FREM3: variants seen among roughly 807,000 people sequenced by gnomAD.
FREM3 encodes FRAS1 related extracellular matrix 3.
A neutral mutation model predicts 129.1 loss-of-function variants in FREM3; 105 were observed. That is an observed-to-expected ratio of 0.81 (90% CI 0.69 to 0.96). FREM3 has a LOEUF of 0.96. Ranked by LOEUF, FREM3 falls within the 40% of genes least tolerant of loss-of-function variation. FREM3 has a pLI of 0.00. For synonymous variants in FREM3, 1,014 were observed against 1,044.9 expected (o/e 0.97, Z 0.57); for missense variants, 2,593 against 2,666.3 (o/e 0.97, Z 0.61).
Position 143,696,354 on chromosome 4 carries a change from C to G in FREM3, c.4322G>C (p.Arg1441Thr). 1 of 1,537,386 alleles carries G rather than the reference C, an allele frequency of 6.5e-7. No individual in the cohort carries two copies. The highest frequency in any genetic ancestry group is 8.7e-7 in the Non-Finnish European group (1 of 1,146,940). Residue 1441 changes from arginine to threonine, a missense_variant, in exon 1 of 8, where the codon AGA becomes ACA. Physicochemically the swap from Arg to Thr is moderately conservative, Grantham distance 71. Coordinates refer to ENST00000329798, the MANE Select transcript of FREM3 (RefSeq NM_001168235.2). ...AAGCAGATTGTTGGTAAGGGTCACTCTGGCACCTTCTATCAAGGTGATCCT... is the reference window on the plus strand; with the variant it reads ...AAGCAGATTGTTGGTAAGGGTCACTGTGGCACCTTCTATCAAGGTGATCCT... ...SKRITLIEGA[R>T]VTLTNNLLTN...
intron 2 of FREM3, among the ~76,000 whole-genome samples, chr4:143,663,523 C>T (rs900632735): frequency 3.9e-5 from 6 of 152,058 alleles, no homozygotes; most frequent in African/African-American, 1.2e-4. Flanking sequence ...AACATTTTTT[C>T]CTTCATTTCA....
In FREM3 at chr4:143,693,196, ATGTCAGCT is replaced by A; in HGVS notation, c.5186-2_5191del. ...GACATAGGATATCTTCATCTCATCAATGTCAGCTAAAAAAAAAGCAACCATCACACAAA... is the reference window on the plus strand; with the variant it reads ...GACATAGGATATCTTCATCTCATCAAAAAAAAAAAGCAACCATCACACAAA... On this transcript the variant is annotated splice_acceptor_variant and coding_sequence_variant, in exon 2 of 8. Transcript: ENST00000329798. LOFTEE classifies it high-confidence loss of function. 1 of 1,488,644 alleles carries A rather than the reference ATGTCAGCT, an allele frequency of 6.7e-7. No homozygotes were observed. Among genetic ancestry groups the A allele is most frequent in the Non-Finnish European group, 8.9e-7 (1 of 1,118,648 alleles). 92.2% of individuals were successfully genotyped at this position (1,488,644 alleles called of 1,614,324 possible).
Position 143,700,212 on chromosome 4 carries a change from G to C in FREM3, c.464C>G (p.Pro155Arg). 6.5e-7 allele frequency: 1 copy of C among 1,536,998 alleles called. No individual in the cohort carries two copies. Among genetic ancestry groups the C allele is most frequent in the Non-Finnish European group, 8.7e-7 (1 of 1,146,892 alleles). ...GACCAAGTCCACCGCCAGCGTGAAG[G>C]GCAGCACCAGAGTGTGAGTCGGGGC... ...YDAPTHTLVL[P>R]FTLAVDLVFS... is the part of the protein sequence containing the mutation. The change falls in exon 1 of 8, where the codon CCC (proline) becomes CGC (arginine). Residue 155 changes from proline to arginine, a missense_variant. Physicochemically the swap from Pro to Arg is moderately radical, Grantham distance 103. Transcript: ENST00000329798.
chr4:143,682,450 G>C (rs1740271090), intron 2 of FREM3, among the ~76,000 whole-genome samples: 1 of 152,210 alleles, frequency 6.6e-6, no homozygotes, highest in African/African-American at 2.4e-5. Context: ...TGTTACATGA[G>C]GTGAGCATGA....
intron 2 of FREM3, among the ~76,000 whole-genome samples, chr4:143,639,994 A>C (rs1739296324): frequency 6.6e-6 from 1 of 151,994 alleles, no homozygotes. Flanking sequence ...TCTCTTACTG[A>C]CTTTGGAGCA....
chr4:143,593,274 G>A (rs1380850250), intron 6 of FREM3, among the ~76,000 whole-genome samples: 3 of 152,164 alleles, frequency 2.0e-5, no homozygotes, highest in Non-Finnish European at 4.4e-5. Flanking sequence ...TCCGTTGCTG[G>A]TGAGGAGCTG....
intron 1 of FREM3, 76 bp from the exon 2 acceptor site, chr4:143,693,278 T>A: frequency 1.7e-6 from 1 of 605,284 alleles, no homozygotes; most frequent in Non-Finnish European, 2.8e-6. Context: ...TTCAAAGTTT[T>A]AATTAGGCAT....
At chr4:143,646,759 T>C (rs913408371) in intron 2 of FREM3, among the ~76,000 whole-genome samples, 1 of 152,198 alleles carries the variant, frequency 6.6e-6, no homozygotes, top group African/African-American at 2.4e-5. Context: ...GAGAACAGAC[T>C]AATGCAGTAA....
Position 143,585,948 on chromosome 4 carries a change from C to T in FREM3, c.6074G>A (p.Ser2025Asn), listed in dbSNP as rs1738236151. 3.3e-6 allele frequency: 5 copies of T among 1,537,648 alleles called. No individual in the cohort carries two copies. The highest frequency in any genetic ancestry group is 4.4e-6 in the Non-Finnish European group (5 of 1,147,002). Residue 2025 changes from serine (S) to asparagine (N), a missense_variant, in exon 7 of 8, where the codon AGT becomes AAT. Physicochemically the swap from Ser to Asn is conservative, Grantham distance 46. Coordinates refer to ENST00000329798, the MANE Select transcript of FREM3 (RefSeq NM_001168235.2). This position sits in a 1 kb window ranked among gnomAD's most constrained non-coding sequence, Gnocchi z 4.2. Reference protein sequence around the residue: ...FGDAEYHVNESARYVEVCVWR... With the variant: ...FGDAEYHVNENARYVEVCVWR... ...AACACAAACCTCCACGTAGCGAGCA[C>T]TTTCATTGACGTGATATTCAGCATC...
Position 143,600,460 on chromosome 4 carries a change from C to A in FREM3, c.6028+10819G>T, listed in dbSNP as rs138415219. On this transcript the variant is annotated intron_variant, in intron 6 of 7. Coordinates refer to ENST00000329798, the MANE Select transcript of FREM3 (RefSeq NM_001168235.2). ...ATGTAACCAAACACCACCTCTTCCC[C>A]AAAACCCTATTGAAATAAAAAAAAG... 8.6e-3 allele frequency among the ~76,000 whole-genome samples: 1,309 copies of A among 152,118 alleles called. 15 individuals are homozygous for A. Among genetic ancestry groups the A allele is most frequent in the African/African-American group, 0.03 (1,234 of 41,506 alleles).
At chr4:143,620,542 G>A (rs943216539) in intron 5 of FREM3, among the ~76,000 whole-genome samples, 6 of 152,154 alleles carry the variant, frequency 3.9e-5, no homozygotes, top group South Asian at 4.1e-4. Flanking sequence ...ACTTGTTTTC[G>A]GTGCGAAGAT....
chr4:143,610,007 T>G (rs1738728028), intron 6 of FREM3, among the ~76,000 whole-genome samples: 1 of 152,126 alleles, frequency 6.6e-6, no homozygotes. Flanking sequence ...TATTGAAAAT[T>G]TACTCAAATT....
intron 4 of FREM3, among the ~76,000 whole-genome samples, chr4:143,622,536 A>G (rs146906461): frequency 1.8e-3 from 276 of 151,686 alleles, no homozygotes; most frequent in Non-Finnish European, 2.8e-3. Flanking sequence ...TTCAGCAGAT[A>G]TAAGTATCAA....
Position 143,698,587 on chromosome 4 carries a change from G to A in FREM3, c.2089C>T (p.Pro697Ser). ...AGCTGTGGACTCAGTATATCCACTG[G>A]TTGGACCTTGATGGTGAAAATGTGC... Reference protein sequence around the residue: ...KQHIFTIKVQPVDILSPQLYP... With the variant: ...KQHIFTIKVQSVDILSPQLYP... Residue 697 changes from proline (P) to serine (S), a missense_variant, in exon 1 of 8, where the codon CCA becomes TCA. By Grantham distance (74) the Pro-to-Ser change is moderately conservative (BLOSUM62 -1). Transcript: ENST00000329798. 6.5e-7 allele frequency: 1 copy of A among 1,537,726 alleles called. No homozygotes were observed. Among genetic ancestry groups the A allele is most frequent in the Non-Finnish European group, 8.7e-7 (1 of 1,147,024 alleles).
At chr4:143,662,774 G>A (rs1023602198) in intron 2 of FREM3, among the ~76,000 whole-genome samples, 1 of 151,894 alleles carries the variant, frequency 6.6e-6, no homozygotes, top group Non-Finnish European at 1.5e-5. Context: ...CTCCTGTATT[G>A]GGTGTATATA....
chr4:143,593,980 C>T (rs1026056060), intron 6 of FREM3, among the ~76,000 whole-genome samples: 1 of 152,192 alleles, frequency 6.6e-6, no homozygotes, highest in Non-Finnish European at 1.5e-5. Context: ...TGTCAGACTG[C>T]TGTGCTAGCA....
At chr4:143,637,907 G>A (rs541020185) in intron 2 of FREM3, among the ~76,000 whole-genome samples, 1 of 152,092 alleles carries the variant, frequency 6.6e-6, no homozygotes, top group Non-Finnish European at 1.5e-5. Flanking sequence ...TCACATGGTT[G>A]GTGGGTGGGG....
chr4:143,585,959 G>C lies in FREM3; in HGVS notation c.6063C>G (p.His2021Gln), dbSNP rs936018952. Residue 2021 changes from histidine (H) to glutamine (Q), a missense_variant, in exon 7 of 8, where the codon CAC (histidine) becomes CAG (glutamine). Physicochemically the swap from His to Gln is conservative, Grantham distance 24. Coordinates refer to ENST00000329798, the MANE Select transcript of FREM3 (RefSeq NM_001168235.2). This position sits in a 1 kb window ranked among gnomAD's most constrained non-coding sequence, Gnocchi z 4.2. The part of the protein sequence containing the change: ...PVLHFGDAEY[H>Q]VNESARYVEV... ...CCACGTAGCGAGCACTTTCATTGAC[G>C]TGATATTCAGCATCCCCAAAGTGCA... is the stretch of plus-strand genomic sequence containing the variant. 3 of 1,537,650 alleles carry C rather than the reference G, an allele frequency of 2.0e-6. No homozygotes were observed. The highest frequency in any genetic ancestry group is 4.9e-5 in the East Asian group (2 of 40,922).
chr4:143,664,666 G>A (rs920887854), intron 2 of FREM3, among the ~76,000 whole-genome samples: 3 of 152,162 alleles, frequency 2.0e-5, no homozygotes, highest in African/African-American at 7.2e-5. Context: ...CTGTCTTTTT[G>A]TTTGTCTGTG....
Sources: gnomAD v4.1 joint callset for allele counts (sites outside exome capture counted in the v4.1 genomes callset) on GRCh38, gnomAD v4.1.1 for gene constraint, Gnocchi (gnomAD v3.1) non-coding constraint, MANE v1.5 for transcripts, NCBI Gene and HGNC (gene_info 2026-07-23, HGNC 2026-07-21) for gene names.